CARMIL1: variants seen among roughly 807,000 people sequenced by gnomAD.
The protein encoded by CARMIL1 is capping protein regulator and myosin 1 linker 1, also known as F-actin-uncapping protein LRRC16A.
In CARMIL1, 90 loss-of-function variants were observed where a neutral mutation model predicts 177.1. The ratio of observed to expected loss-of-function variants is 0.51; its 90% CI spans 0.43 to 0.61. CARMIL1 has a LOEUF of 0.61. Among genes scored for constraint, CARMIL1 ranks in the 20% least tolerant of loss-of-function variants. The probability of loss-of-function intolerance (pLI) is 0.00; values close to 1 mark genes in which losing one functional copy is unlikely to be tolerated. For synonymous variants in CARMIL1, 577 were observed against 606.2 expected (o/e 0.95, Z 0.71); for missense variants, 1,380 against 1,667.0 (o/e 0.83, Z 3.00).
At chr6:25,555,481 A>G (rs1810522901) in intron 28 of CARMIL1, among the ~76,000 whole-genome samples, 1 of 152,082 alleles carries the variant, frequency 6.6e-6, no homozygotes, top group Admixed American at 6.6e-5. Flanking sequence ...GCTCACTGCA[A>G]CCTCTGCCCC....
Position 25,488,590 on chromosome 6 carries a change from G to C in CARMIL1, c.1065+5G>C, listed in dbSNP as rs1562205985. On this transcript the variant is annotated splice_donor_5th_base_variant and intron_variant, in intron 13 of 36. Transcript: ENST00000329474. ...CTTCGTGGAGATGACCTCTCAGTAAGTTTTCTTTTCTTTATTCCATCTTCG... is the reference window on the plus strand; with the variant it reads ...CTTCGTGGAGATGACCTCTCAGTAACTTTTCTTTTCTTTATTCCATCTTCG... The C allele has an allele frequency of 6.2e-7, 1 of 1,606,188 alleles. No homozygotes were observed. The highest frequency in any genetic ancestry group is 2.2e-5 in the East Asian group (1 of 44,830).
At chr6:25,404,610 G>A (rs578102953) in intron 2 of CARMIL1, among the ~76,000 whole-genome samples, 42 of 152,212 alleles carry the variant, frequency 2.8e-4, no homozygotes, top group East Asian at 5.8e-4. Flanking sequence ...ACAAAAATTA[G>A]CCAGGCATGG....
chr6:25,469,656 CA>C (rs1800927622), intron 9 of CARMIL1, among the ~76,000 whole-genome samples: 1 of 152,090 alleles, frequency 6.6e-6, no homozygotes, highest in Non-Finnish European at 1.5e-5. Context: ...ATCCTGGGCT[CA>C]AGTGATCCTC....
intron 31 of CARMIL1, among the ~76,000 whole-genome samples, chr6:25,588,552 C>T (rs72839088): frequency 0.15 from 22,830 of 152,224 alleles, 1,829 homozygotes; most frequent in Middle Eastern, 0.21. Flanking sequence ...AACTTGGCCA[C>T]GTGGCCACCT....
chr6:25,524,716 C>G (rs368423565), intron 23 of CARMIL1, among the ~76,000 whole-genome samples: 2 of 151,928 alleles, frequency 1.3e-5, no homozygotes, highest in East Asian at 3.9e-4. Context: ...TTGTTAAGGG[C>G]TCTAGTGGAA....
chr6:25,536,277 T>A (rs1165934476), intron 24 of CARMIL1, among the ~76,000 whole-genome samples: 5 of 152,150 alleles, frequency 3.3e-5, no homozygotes, highest in Admixed American at 1.3e-4. Context: ...TTTCTATCAA[T>A]TAAGATTTTA....
chr6:25,485,855 A>G (rs1802596346), intron 12 of CARMIL1, among the ~76,000 whole-genome samples: 1 of 152,034 alleles, frequency 6.6e-6, no homozygotes, highest in Admixed American at 6.5e-5. Flanking sequence ...CAGTTTTAAA[A>G]TGACTGGAGT....
intron 11 of CARMIL1, 112 bp downstream of exon 11, chr6:25,472,633 G>C: frequency 1.2e-6 from 1 of 804,620 alleles, no homozygotes; most frequent in South Asian, 1.8e-5. Flanking sequence ...TATAAGTGCT[G>C]TTAATGGTCC....
At chr6:25,380,882 G>A (rs1791459626) in intron 2 of CARMIL1, among the ~76,000 whole-genome samples, 1 of 152,078 alleles carries the variant, frequency 6.6e-6, no homozygotes, top group African/African-American at 2.4e-5. Context: ...TGAAATATTT[G>A]CTCTAAAGTA....
chr6:25,482,112 TA>T lies in CARMIL1; in HGVS notation c.875-142del, dbSNP rs1802172228. On this transcript the variant is annotated intron_variant, in intron 11 of 36. Coordinates refer to ENST00000329474, the MANE Select transcript of CARMIL1 (RefSeq NM_017640.6). ...ACAGAAAGAAAAGGGGACTTGATGG[TA>T]AATGTTTAGAAAACAAAGTCTGATA... 2.2e-5 allele frequency: 13 copies of T among 594,106 alleles called. No homozygotes were observed. The South Asian group carries it at 2.7e-4, about 12-fold the overall frequency. The allele number at this position is 594,106 out of a possible 1,614,324, so 36.8% of individuals were successfully genotyped here.
chr6:25,388,558 G>A (rs1353445736), intron 2 of CARMIL1, among the ~76,000 whole-genome samples: 1 of 152,164 alleles, frequency 6.6e-6, no homozygotes, highest in Non-Finnish European at 1.5e-5. Context: ...TAGAGACGGG[G>A]TTTCACCATG....
chr6:25,406,662 G>A (rs1216179173), intron 2 of CARMIL1, among the ~76,000 whole-genome samples: 2 of 152,174 alleles, frequency 1.3e-5, no homozygotes, highest in African/African-American at 4.8e-5. Context: ...ACTAAGATAG[G>A]AAGAGAAGGG....
chr6:25,355,280 C>T (rs571175572), intron 2 of CARMIL1, among the ~76,000 whole-genome samples: 2 of 152,288 alleles, frequency 1.3e-5, no homozygotes, highest in East Asian at 3.9e-4. Flanking sequence ...TTGGGCTAGA[C>T]ACCAGGAATA....
At chr6:25,534,483 T>C (rs527909602) in intron 24 of CARMIL1, among the ~76,000 whole-genome samples, 87 of 152,178 alleles carry the variant, frequency 5.7e-4, no homozygotes, top group Middle Eastern at 6.8e-3. Context: ...CTTCTGTTTT[T>C]CTCAATCCGT....
At chr6:25,397,283 C>A (rs773942525) in intron 2 of CARMIL1, among the ~76,000 whole-genome samples, 25 of 152,194 alleles carry the variant, frequency 1.6e-4, no homozygotes, top group Non-Finnish European at 3.4e-4. Flanking sequence ...AGCCCTCATA[C>A]AAGCGGAAGT....
At chr6:25,534,445 T>C (rs1294925801) in intron 24 of CARMIL1, among the ~76,000 whole-genome samples, 1 of 152,108 alleles carries the variant, frequency 6.6e-6, no homozygotes. Flanking sequence ...GTACCACTGC[T>C]TGGGTTTGTT....
chr6:25,476,517 A>C (rs868744061), intron 11 of CARMIL1, among the ~76,000 whole-genome samples: 9 of 152,320 alleles, frequency 5.9e-5, no homozygotes, highest in African/African-American at 1.9e-4. Context: ...GAGCCTCCTG[A>C]ACACAAATTC....
rs149666890 is a variant in CARMIL1, at chr6:25,289,869, T to C, written c.138+4960T>C. Among the ~76,000 whole-genome samples, 321 of 152,354 alleles carry C rather than the reference T, an allele frequency of 2.1e-3. 2 individuals are homozygous for C. The highest frequency in any genetic ancestry group is 7.2e-3 in the African/African-American group (299 of 41,596). ...GTTTTCAGTTTTTGTCTATTAGGAA[T>C]AAAACTGGTGTAAACATTTGTGTAC... On this transcript the variant is annotated intron_variant, in intron 2 of 36. Transcript: ENST00000329474.
chr6:25,346,746 T>G (rs1787554044), intron 2 of CARMIL1, among the ~76,000 whole-genome samples: 1 of 152,164 alleles, frequency 6.6e-6, no homozygotes, highest in South Asian at 2.1e-4. Flanking sequence ...TCTAGGCACA[T>G]TTTGGCTTAA....
Sources: allele counts gnomAD v4.1 joint callset (sites outside exome capture counted in the v4.1 genomes callset), GRCh38; gene constraint gnomAD v4.1.1; transcripts MANE v1.5; gene names NCBI Gene and HGNC (gene_info 2026-07-23, HGNC 2026-07-21).